Variants in CCDC93 observed in about 807,000 individuals in gnomAD.
CCDC93 encodes CCC complex scaffolding subunit CCDC93.
CCDC93 carries 61 observed loss-of-function variants against 108.2 expected under a neutral mutation model. That is an observed-to-expected ratio of 0.56 (90% confidence interval 0.46 to 0.70). The LOEUF is 0.70. Among genes scored for constraint, CCDC93 ranks in the 30% least tolerant of loss-of-function variants. CCDC93 has a pLI of 0.00. For synonymous variants in CCDC93, 276 were observed against 260.4 expected (o/e 1.06, Z -0.58); for missense variants, 685 against 764.2 (o/e 0.90, Z 1.22).
intron 3 of CCDC93, 100 bp from the exon 4 acceptor site, chr2:118,001,032 C>T (rs1382017352): frequency 2.8e-6 from 2 of 710,198 alleles, no homozygotes; most frequent in Non-Finnish European, 5.1e-6. Context: ...TGGGACTTCT[C>T]CATGCCAGGC....
rs1023858777 is a variant in CCDC93, at chr2:117,950,263, A to C, written c.1069-868T>G. The C allele has an allele frequency of 1.5e-5, 15 of 985,432 alleles. No homozygotes were observed. The African/African-American group carries it at 2.6e-4, about 17-fold the overall frequency. The allele number at this position is 985,432 out of a possible 1,614,324, so 61.0% of individuals were successfully genotyped here. On this transcript the variant is annotated intron_variant, in intron 13 of 23. Coordinates refer to ENST00000376300, the MANE Select transcript of CCDC93 (RefSeq NM_019044.5). ...GCTGAAGACAGACATAACCTTAAAAAAGATGTATCAATTCAACAAGTCAAT... is the reference window on the plus strand; with the variant it reads ...GCTGAAGACAGACATAACCTTAAAACAGATGTATCAATTCAACAAGTCAAT...
At chr2:117,951,642 T>C in intron 13 of CCDC93, 7 of 1,000,246 alleles carry the variant, frequency 7.0e-6, no homozygotes, top group Non-Finnish European at 8.4e-6. Context: ...AGTACGGCTA[T>C]AGTCCAAGCA....
At chr2:117,973,752 G>A (rs917820670) in intron 11 of CCDC93, among the ~76,000 whole-genome samples, 156 bp downstream of exon 11, 9 of 152,336 alleles carry the variant, frequency 5.9e-5, no homozygotes, top group South Asian at 4.1e-4. Flanking sequence ...GCTGATAGCC[G>A]GTTGTGCATG....
intron 3 of CCDC93, among the ~76,000 whole-genome samples, chr2:118,001,836 G>C (rs1676705686): frequency 6.6e-6 from 1 of 152,196 alleles, no homozygotes; most frequent in African/African-American, 2.4e-5. Flanking sequence ...TCTCGAATCA[G>C]TTGGCATTTC....
chr2:117,987,027 C>T (rs1263526656), intron 6 of CCDC93, among the ~76,000 whole-genome samples: 13 of 109,304 alleles, frequency 1.2e-4, no homozygotes, highest in Admixed American at 1.2e-3. Flanking sequence ...AAATTGGATT[C>T]TTCTATTAAA....
Position 117,973,961 on chromosome 2 carries a change from C to T in CCDC93, c.835G>A (p.Val279Met). Residue 279 changes from valine to methionine, a missense_variant, in exon 11 of 24, where the codon GTG becomes ATG. By Grantham distance (21) the Val-to-Met change is conservative. Coordinates refer to ENST00000376300, the MANE Select transcript of CCDC93 (RefSeq NM_019044.5). The part of the protein sequence containing the change: ...RLTASSVGQI[V>M]GLCSAEIKQI... Reference sequence around the variant, plus strand: ...TTGATCTCAGCAGAGCAGAGTCCCACAATCTGGCCCACGGAGCTTGCGGTG... The same window carrying T: ...TTGATCTCAGCAGAGCAGAGTCCCATAATCTGGCCCACGGAGCTTGCGGTG... 2 of 1,612,242 alleles carry T rather than the reference C, an allele frequency of 1.2e-6. No homozygotes were observed. The highest frequency in any genetic ancestry group is 1.7e-5 in the Admixed American group (1 of 59,808).
At chr2:117,956,644 G>C (rs996412700) in intron 12 of CCDC93, among the ~76,000 whole-genome samples, 1 of 152,136 alleles carries the variant, frequency 6.6e-6, no homozygotes, top group African/African-American at 2.4e-5. Context: ...TGTCTGAGTT[G>C]ACAACTCATT....
At chr2:117,983,272 T>C (rs1680205238) in intron 7 of CCDC93, among the ~76,000 whole-genome samples, 1 of 152,216 alleles carries the variant, frequency 6.6e-6, no homozygotes. Context: ...TATTTCCCTA[T>C]CTGCCTTCCC....
intron 13 of CCDC93, chr2:117,951,350 A>G (rs1679051485): frequency 1.0e-6 from 1 of 985,354 alleles, no homozygotes; most frequent in Non-Finnish European, 1.2e-6. Context: ...TGAGAAAAAA[A>G]TTATTCTAAT....
chr2:117,958,443 T>A lies in CCDC93; in HGVS notation c.927A>T (p.Leu309Phe), dbSNP rs1474846863. 1 of 1,613,624 alleles carries A rather than the reference T, an allele frequency of 6.2e-7. No homozygotes were observed. The highest frequency in any genetic ancestry group is 1.1e-5 in the South Asian group (1 of 91,066). ...TCCGGCGATGTAGCTGGGAGGTTCC[T>A]AATTTTTCTGGACTTTCTTCAGCTG... ...ELSAEESPEKLGTSQLHRRKV... is the reference protein window; with the variant it reads ...ELSAEESPEKFGTSQLHRRKV... Residue 309 changes from leucine (L) to phenylalanine (F), a missense_variant, in exon 12 of 24, where the codon TTA becomes TTT. Leu to Phe is a conservative substitution (Grantham distance 22). Coordinates refer to ENST00000376300, the MANE Select transcript of CCDC93 (RefSeq NM_019044.5).
At chr2:118,010,177 G>C (rs562731849) in intron 1 of CCDC93, among the ~76,000 whole-genome samples, 1 of 151,990 alleles carries the variant, frequency 6.6e-6, no homozygotes, top group African/African-American at 2.4e-5. Flanking sequence ...GGATAGTTTC[G>C]ATCTCCTGAC....
At chr2:117,942,423 A>C (rs2104731438) in intron 18 of CCDC93, among the ~76,000 whole-genome samples, 1 of 152,250 alleles carries the variant, frequency 6.6e-6, no homozygotes, top group East Asian at 1.9e-4. Flanking sequence ...TGTCCATGCC[A>C]GTCCCTCTTC....
At chr2:117,964,944 T>C (rs1337411243) in intron 11 of CCDC93, among the ~76,000 whole-genome samples, 2 of 152,132 alleles carry the variant, frequency 1.3e-5, no homozygotes, top group African/African-American at 4.8e-5. Flanking sequence ...CTCCACAAAG[T>C]CTTCAAGTGA....
intron 21 of CCDC93, chr2:117,935,798 G>C (rs75630744): frequency 0.086 from 33,655 of 392,708 alleles, 1,743 homozygotes; most frequent in East Asian, 0.2. Flanking sequence ...ATAATTGCAT[G>C]TTAATCTTTT....
intron 12 of CCDC93, among the ~76,000 whole-genome samples, chr2:117,954,171 C>A (rs1357107426): frequency 6.6e-6 from 1 of 152,208 alleles, no homozygotes. Flanking sequence ...CACCCCTGCA[C>A]CCACCTACTC....
At chr2:118,007,085 G>A (rs938991941) in intron 2 of CCDC93, among the ~76,000 whole-genome samples, 7 of 152,234 alleles carry the variant, frequency 4.6e-5, no homozygotes, top group Non-Finnish European at 4.4e-5. Context: ...TGGCTGCTGA[G>A]CAGTTGAAAT....
At position 117,948,167 on chromosome 2, in the gene CCDC93, C is replaced by T. The variant is rs771240780; in HGVS notation, c.1162G>A (p.Ala388Thr). ...AGATTTTCATTCATGGCTACAAGTG[C>T]TCTCAGGTTCTGTAGGATACTGAAG... ...ADPSILQNLRALVAMNENLKS... is the reference protein window; with the variant it reads ...ADPSILQNLRTLVAMNENLKS... The change falls in exon 15 of 24, where the codon GCA becomes ACA. Residue 388 changes from alanine (A) to threonine (T), a missense_variant. By Grantham distance (58) the Ala-to-Thr change is moderately conservative (BLOSUM62 0). Transcript: ENST00000376300. The T allele has an allele frequency of 6.2e-6, 10 of 1,613,182 alleles. No homozygotes were observed. Among genetic ancestry groups the T allele is most frequent in the Middle Eastern group, 1.6e-4 (1 of 6,078 alleles).
At position 117,918,258 on chromosome 2, in the gene CCDC93, T is replaced by C. The variant is rs1009183868; in HGVS notation, c.*2085A>G. 1 of 152,054 alleles carries C rather than the reference T, an allele frequency of 6.6e-6. No homozygotes were observed. Among genetic ancestry groups the C allele is most frequent in the Non-Finnish European group, 1.5e-5 (1 of 68,028 alleles). The allele number at this position is 152,054 out of a possible 1,614,324, so 9.4% of individuals were successfully genotyped here. On this transcript the variant is annotated 3_prime_UTR_variant, in exon 24 of 24. Transcript: ENST00000376300. The stretch of plus-strand genomic sequence containing the variant: ...TGAGCTCAAACTGGCTTCTGTAGTC[T>C]AATTCAAAGTGTATTCAGGCAACAA...
Position 117,983,599 on chromosome 2 carries a change from C to CAA in CCDC93, c.620+2369_620+2370insTT, listed in dbSNP as rs1372120716. Reference sequence around the variant, plus strand: ...GACAGCAGCCAATGGTTAACATTTACTGTTTTCTACATTGAACAAACTGCT... The same window carrying CAA: ...GACAGCAGCCAATGGTTAACATTTACAATGTTTTCTACATTGAACAAACTGCT... On this transcript the variant is annotated intron_variant, in intron 7 of 23. Transcript: ENST00000376300. Among the ~76,000 whole-genome samples, 439 of 128,170 alleles carry CAA rather than the reference C, an allele frequency of 3.4e-3. 4 individuals carry two copies. The highest frequency in any genetic ancestry group is 0.013 in the African/African-American group (420 of 32,702). The allele number at this position is 128,170 out of a possible 152,430, so 84.1% of individuals were successfully genotyped here.
Sources: gnomAD v4.1 joint callset for allele counts (sites outside exome capture counted in the v4.1 genomes callset) on GRCh38, gnomAD v4.1.1 for gene constraint, MANE v1.5 for transcripts, NCBI Gene and HGNC (gene_info 2026-07-23, HGNC 2026-07-21) for gene names.